The following DEUP1 variants were observed in gnomAD, a reference collection of about 807,000 sequenced individuals.
The protein encoded by DEUP1 is deuterosome assembly protein 1, also known as coiled-coil domain containing 67.
In DEUP1, 82 loss-of-function variants were observed where a neutral mutation model predicts 87.4. The ratio of observed to expected loss-of-function variants is 0.94; its 90% CI spans 0.78 to 1.13. The LOEUF is 1.13. Ranked by LOEUF, DEUP1 falls within the 50% of genes most tolerant of loss-of-function variation. The pLI, the probability that DEUP1 is intolerant of heterozygous loss-of-function variation, is 0.00. For missense variants in DEUP1, 663 were observed against 681.5 expected (o/e 0.97, Z 0.30); for synonymous variants, 214 against 222.7 (o/e 0.96, Z 0.35).
chr11:93,366,567 A>G (rs1945427287), intron 5 of DEUP1, among the ~76,000 whole-genome samples: 1 of 152,156 alleles, frequency 6.6e-6, no homozygotes. Context: ...AGGTCCCTGC[A>G]TGGTTCCATA....
intron 7 of DEUP1, among the ~76,000 whole-genome samples, chr11:93,373,570 C>CATATAT (rs1445417294): frequency 7.0e-6 from 1 of 142,050 alleles, no homozygotes; most frequent in Non-Finnish European, 1.5e-5. Flanking sequence ...GTGTAGTATT[C>CATATAT]ATATATATAT....
Position 93,355,560 on chromosome 11 carries a change from T to C in DEUP1, c.201+18T>C, listed in dbSNP as rs532159512. ...GTCAAGAGGTACTGAATACATATGT[T>C]AACAAATTGCTAATTCATCAGACTG... On this transcript the variant is annotated intron_variant, in intron 3 of 13. Coordinates refer to ENST00000298050, the MANE Select transcript of DEUP1 (RefSeq NM_181645.4). The C allele has an allele frequency of 1.3e-5, 20 of 1,591,566 alleles. No homozygotes were observed. In the East Asian group the frequency reaches 4.0e-4, roughly 32 times the overall value.
At chr11:93,375,034 CTT>C (rs60565734) in intron 7 of DEUP1, among the ~76,000 whole-genome samples, 20 of 126,526 alleles carry the variant, frequency 1.6e-4, no homozygotes, top group Admixed American at 3.1e-4. Flanking sequence ...TTTTTCTTTT[CTT>C]TTTTTTTTTT....
At chr11:93,336,800 C>G (rs1943789674) in intron 2 of DEUP1, among the ~76,000 whole-genome samples, 1 of 152,154 alleles carries the variant, frequency 6.6e-6, no homozygotes, top group Non-Finnish European at 1.5e-5. Flanking sequence ...CACTCACTTG[C>G]TACTTCCAGA....
rs1555068658 is a variant in DEUP1 at position 93,437,751 on chromosome 11, C to CCCACCCCCACCAAGAAAAAAAGCTCTGG, written c.*33_*34insCACCCCCACCAAGAAAAAAAGCTCTGGC. ...AAACTTTTTTATTTGCTTCCCCCCC[C>CCCACCCCCACCAAGAAAAAAAGCTCTGG]CACCCCCGCCAAGAAAAAAAGCTCT... is the stretch of plus-strand genomic sequence containing the variant. On this transcript the variant is annotated 3_prime_UTR_variant, in exon 14 of 14. Transcript: ENST00000298050. The CCCACCCCCACCAAGAAAAAAAGCTCTGG allele has an allele frequency of 1.9e-6, 2 of 1,045,386 alleles. No individual in the cohort carries two copies. Among genetic ancestry groups the CCCACCCCCACCAAGAAAAAAAGCTCTGG allele is most frequent in the Middle Eastern group, 3.3e-4 (1 of 3,008 alleles). 64.8% of individuals were successfully genotyped at this position (1,045,386 alleles called of 1,614,324 possible). A position where few individuals can be genotyped will look rare whatever the true frequency, so the allele number is the denominator to read the frequency against.
intron 7 of DEUP1, among the ~76,000 whole-genome samples, chr11:93,378,516 C>A (rs890198682): frequency 1.3e-5 from 2 of 151,852 alleles, no homozygotes; most frequent in African/African-American, 4.8e-5. Flanking sequence ...TGGTATTCAC[C>A]TTTCTCTGGT....
chr11:93,437,752 C>CCCA lies in DEUP1; in HGVS notation c.*33_*34insCCA, dbSNP rs375443728. On this transcript the variant is annotated 3_prime_UTR_variant, in exon 14 of 14. Coordinates refer to ENST00000298050, the MANE Select transcript of DEUP1 (RefSeq NM_181645.4). ...AACTTTTTTATTTGCTTCCCCCCCCCACCCCCGCCAAGAAAAAAAGCTCTG... is the reference window on the plus strand; with the variant it reads ...AACTTTTTTATTTGCTTCCCCCCCCCCCAACCCCCGCCAAGAAAAAAAGCTCTG... The CCCA allele has an allele frequency of 1.1e-5, 12 of 1,052,714 alleles. No homozygotes were observed. Among genetic ancestry groups the CCCA allele is most frequent in the South Asian group, 3.0e-5 (2 of 67,588 alleles). 65.2% of individuals were successfully genotyped at this position (1,052,714 alleles called of 1,614,324 possible). A position where few individuals can be genotyped will look rare whatever the true frequency, so the allele number is the denominator to read the frequency against.
chr11:93,418,506 G>A (rs1413149943), intron 13 of DEUP1, among the ~76,000 whole-genome samples: 1 of 152,006 alleles, frequency 6.6e-6, no homozygotes, highest in East Asian at 1.9e-4. Context: ...CAGTTAGAAT[G>A]GCAATCATTA....
chr11:93,355,277 A>G, intron 2 of DEUP1, 94 bp from the exon 3 acceptor site: 1 of 1,070,356 alleles, frequency 9.3e-7, no homozygotes, highest in South Asian at 1.5e-5. Flanking sequence ...AATTTCAGGA[A>G]ATAATGTTCA....
At chr11:93,363,250 G>A (rs532424364) in intron 4 of DEUP1, among the ~76,000 whole-genome samples, 3 of 151,962 alleles carry the variant, frequency 2.0e-5, no homozygotes, top group African/African-American at 7.2e-5. Context: ...ATTCTAAAGG[G>A]ATAGCATGAA....
chr11:93,403,750 T>C (rs1005407413), intron 11 of DEUP1, among the ~76,000 whole-genome samples: 39 of 151,748 alleles, frequency 2.6e-4, no homozygotes, highest in Non-Finnish European at 4.6e-4. Flanking sequence ...AGAAAATTTA[T>C]TGAAATGAAG....
Position 93,352,389 on chromosome 11 carries a change from C to T in DEUP1, c.30-2982C>T, listed in dbSNP as rs1446086421. 6 of 702,502 alleles carry T rather than the reference C, an allele frequency of 8.5e-6. No homozygotes were observed. The South Asian group carries it at 8.9e-5, about 10-fold the overall frequency. The allele number at this position is 702,502 out of a possible 1,614,324, so 43.5% of individuals were successfully genotyped here. A position where few individuals can be genotyped will look rare whatever the true frequency, so the allele number is the denominator to read the frequency against. ...AGCTCCCTGGAGAATGCTTCAGCTT[C>T]TTTGAAAAAGAACTCTGTAGTGAGA... On this transcript the variant is annotated intron_variant, in intron 2 of 13. Coordinates refer to ENST00000298050, the MANE Select transcript of DEUP1 (RefSeq NM_181645.4).
At chr11:93,436,928 CAATT>C (rs1468854088) in intron 13 of DEUP1, among the ~76,000 whole-genome samples, 3 of 152,126 alleles carry the variant, frequency 2.0e-5, no homozygotes, top group Non-Finnish European at 4.4e-5. Context: ...AGGTCACAAA[CAATT>C]AAATAGCATT....
intron 7 of DEUP1, among the ~76,000 whole-genome samples, chr11:93,380,513 G>T (rs1248922741): frequency 6.6e-6 from 1 of 152,042 alleles, no homozygotes; most frequent in Non-Finnish European, 1.5e-5. Context: ...CCATTCTTCT[G>T]CCTCAGCCTC....
intron 7 of DEUP1, among the ~76,000 whole-genome samples, chr11:93,378,403 T>A (rs1331261015): frequency 6.6e-6 from 1 of 152,096 alleles, no homozygotes; most frequent in African/African-American, 2.4e-5. Flanking sequence ...TTACTGAGAC[T>A]TTCCAGTGTA....
chr11:93,370,819 C>G (rs1159160326), intron 6 of DEUP1, among the ~76,000 whole-genome samples: 1 of 152,092 alleles, frequency 6.6e-6, no homozygotes, highest in East Asian at 1.9e-4. Flanking sequence ...CTCTACTCTA[C>G]ATCTTTGCTC....
chr11:93,400,235 A>G (rs528105500), intron 11 of DEUP1, among the ~76,000 whole-genome samples: 1 of 152,150 alleles, frequency 6.6e-6, no homozygotes, highest in Non-Finnish European at 1.5e-5. Flanking sequence ...TTATTGTCTT[A>G]CAGTTCTAGA....
chr11:93,417,047 T>C (rs1023430118), intron 13 of DEUP1, among the ~76,000 whole-genome samples: 1 of 150,810 alleles, frequency 6.6e-6, no homozygotes, highest in Non-Finnish European at 1.5e-5. Flanking sequence ...ATAAGAGCTA[T>C]CTATGACAAA....
chr11:93,405,424 G>GAA (rs1947241734), intron 11 of DEUP1, among the ~76,000 whole-genome samples: 1 of 151,950 alleles, frequency 6.6e-6, no homozygotes, highest in South Asian at 2.1e-4. Context: ...AATAAGCAGA[G>GAA]AAATACCTTC....
Sources: allele counts gnomAD v4.1 joint callset (sites outside exome capture counted in the v4.1 genomes callset), GRCh38; gene constraint gnomAD v4.1.1; transcripts MANE v1.5; gene names NCBI Gene and HGNC (gene_info 2026-07-23, HGNC 2026-07-21).